The following AGAP1 variants were observed in gnomAD, a reference collection of about 807,000 sequenced individuals.
AGAP1 encodes the protein arf-GAP with GTPase, ANK repeat and PH domain-containing protein 1.
AGAP1 carries 29 observed loss-of-function variants against 105.3 expected under a neutral mutation model. The ratio of observed to expected loss-of-function variants is 0.28; its 90% CI spans 0.21 to 0.38. AGAP1 has a LOEUF of 0.38. Ranked by LOEUF, AGAP1 falls within the 10% of genes least tolerant of loss-of-function variation. AGAP1 has a pLI of 1.00. For synonymous variants in AGAP1, 509 were observed against 485.9 expected, an observed-to-expected ratio of 1.05 and a Z score of -0.63; for missense variants, 998 against 1,165.1, an observed-to-expected ratio of 0.86 and a Z score of 2.09.
At chr2:235,869,392 G>C (rs193117481) in intron 9 of AGAP1, among the ~76,000 whole-genome samples, 1 of 118,070 alleles carries the variant, frequency 8.5e-6, no homozygotes, top group Non-Finnish European at 1.6e-5. Flanking sequence ...AGACCATCCT[G>C]ACCAACATGG....
In AGAP1 at chr2:235,799,556, G is replaced by A. The variant is rs559839614; in HGVS notation, c.957+34G>A. ...CAACCCTGGGTGGAGATTTGAATGC[G>A]ATTCCGAAGCGTTCCCATTAACGTA... On this transcript the variant is annotated intron_variant, in intron 8 of 17. Transcript: ENST00000304032. This position sits in a 1 kb window ranked among gnomAD's most constrained non-coding sequence, Gnocchi z 5.0. The A allele has an allele frequency of 7.0e-5, 113 of 1,606,616 alleles. 1 individual carries two copies. In the Admixed American group the frequency reaches 1.5e-3, roughly 22 times the overall value.
At chr2:235,534,308 A>T (rs889039197) in intron 1 of AGAP1, among the ~76,000 whole-genome samples, 23 of 152,158 alleles carry the variant, frequency 1.5e-4, no homozygotes, top group African/African-American at 4.6e-4. Flanking sequence ...CGTCACCTTC[A>T]CACAGTCCAT....
At chr2:235,638,014 C>G (rs552964460) in intron 1 of AGAP1, among the ~76,000 whole-genome samples, 1 of 152,142 alleles carries the variant, frequency 6.6e-6, no homozygotes, top group African/African-American at 2.4e-5. Flanking sequence ...TTCTACTGAT[C>G]GAGCTGTTAT....
At chr2:235,579,273 T>C (rs1233166100) in intron 1 of AGAP1, among the ~76,000 whole-genome samples, 1 of 152,218 alleles carries the variant, frequency 6.6e-6, no homozygotes, top group Admixed American at 6.5e-5. Flanking sequence ...GCGACACTTT[T>C]GCTTTAATCC....
chr2:236,106,765 G>GC (rs2125923201), intron 16 of AGAP1, among the ~76,000 whole-genome samples: 1 of 152,256 alleles, frequency 6.6e-6, no homozygotes, highest in Non-Finnish European at 1.5e-5. Flanking sequence ...TGCAGGTCTC[G>GC]CAGGAGTAGG....
At chr2:236,032,029 G>T (rs2057240125) in intron 13 of AGAP1, among the ~76,000 whole-genome samples, 1 of 152,196 alleles carries the variant, frequency 6.6e-6, no homozygotes, top group Non-Finnish European at 1.5e-5. Flanking sequence ...CTCACCTGCT[G>T]TTGGGGTCCA....
Position 235,548,641 on chromosome 2 carries a change from G to A in AGAP1, c.163+53792G>A, listed in dbSNP as rs1471362300. 1.9e-3 allele frequency among the ~76,000 whole-genome samples: 222 copies of A among 116,846 alleles called. 2 individuals are homozygous for A. Among genetic ancestry groups the A allele is most frequent in the Admixed American group, 0.018 (169 of 9,650 alleles). 76.7% of individuals were successfully genotyped at this position (116,846 alleles called of 152,430 possible). A position where few individuals can be genotyped will look rare whatever the true frequency, so the allele number is the denominator to read the frequency against. ...GCACTCCAGCCTGGGCAAAAAGTGC[G>A]AAACTCCGTCTTCAAAAAAAAAAAA... On this transcript the variant is annotated intron_variant, in intron 1 of 17. Transcript: ENST00000304032.
intron 9 of AGAP1, among the ~76,000 whole-genome samples, chr2:235,823,583 A>T (rs143434763): frequency 6.6e-6 from 1 of 152,214 alleles, no homozygotes; most frequent in African/African-American, 2.4e-5. Flanking sequence ...GTCCTTCCAG[A>T]TGCTCTTCCA....
At position 236,035,638 on chromosome 2, in the gene AGAP1, G is replaced by A. The variant is rs1576127296; in HGVS notation, c.1646-923G>A. On this transcript the variant is annotated intron_variant, in intron 13 of 17. Coordinates refer to ENST00000304032, the MANE Select transcript of AGAP1 (RefSeq NM_001037131.3). The surrounding 1 kb of genome is among the most constrained non-coding windows in gnomAD (Gnocchi z 4.2). Reference sequence around the variant, plus strand: ...GACTCCATCTCAAAAACAGTTCTTCGTGGTTGTATGCAATTAGTTATGCTT... The same window carrying A: ...GACTCCATCTCAAAAACAGTTCTTCATGGTTGTATGCAATTAGTTATGCTT... Among the ~76,000 whole-genome samples, 1 of 152,154 alleles carries A rather than the reference G, an allele frequency of 6.6e-6. No homozygotes were observed. The highest frequency in any genetic ancestry group is 2.4e-5 in the African/African-American group (1 of 41,426).
Position 236,058,891 on chromosome 2 carries a change from A to G in AGAP1, c.2114+9610A>G, listed in dbSNP as rs1295230431. 6.6e-6 allele frequency among the ~76,000 whole-genome samples: 1 copy of G among 152,206 alleles called. No homozygotes were observed. Among genetic ancestry groups the G allele is most frequent in the East Asian group, 1.9e-4 (1 of 5,194 alleles). ...CAATGTGCAAAACTCTTAGCTGGCC[A>G]TGGTGGCACAGTTCTGTAGTCCCAG... is the stretch of plus-strand genomic sequence containing the variant. On this transcript the variant is annotated intron_variant, in intron 16 of 17. Coordinates refer to ENST00000304032, the MANE Select transcript of AGAP1 (RefSeq NM_001037131.3). This position sits in a 1 kb window ranked among gnomAD's most constrained non-coding sequence, Gnocchi z 4.6.
chr2:235,862,946 A>G (rs546271135), intron 9 of AGAP1, among the ~76,000 whole-genome samples: 1 of 152,308 alleles, frequency 6.6e-6, no homozygotes, highest in South Asian at 2.1e-4. Flanking sequence ...TGTGTAGGGC[A>G]GGGCATATGT....
rs961054965 is a variant in AGAP1, at chr2:235,623,955, C to A, written c.164-85224C>A. Among the ~76,000 whole-genome samples the A allele has an allele frequency of 2.0e-5, 3 of 152,150 alleles. No homozygotes were observed. The highest frequency in any genetic ancestry group is 7.2e-5 in the African/African-American group (3 of 41,432). On this transcript the variant is annotated intron_variant, in intron 1 of 17. Transcript: ENST00000304032. The surrounding 1 kb of genome is among the most constrained non-coding windows in gnomAD (Gnocchi z 4.5). ...GGATCCATTTGTGTTTCTGAGTGTG[C>A]TTGTAAGCAGTCTTAGGGGATCTGT...
At chr2:235,589,395 T>C (rs531457339) in intron 1 of AGAP1, among the ~76,000 whole-genome samples, 52 of 151,946 alleles carry the variant, frequency 3.4e-4, no homozygotes, top group South Asian at 6.3e-4. Context: ...TTAGTAGAGA[T>C]GGAGTGTCAC....
intron 9 of AGAP1, among the ~76,000 whole-genome samples, chr2:235,859,063 A>G (rs1481485607): frequency 2.0e-5 from 3 of 152,232 alleles, no homozygotes; most frequent in African/African-American, 7.2e-5. Flanking sequence ...AACCCTTTGT[A>G]CTGGTGCCGG....
At chr2:236,111,779 G>T (rs907592305) in intron 16 of AGAP1, among the ~76,000 whole-genome samples, 1 of 132,318 alleles carries the variant, frequency 7.6e-6, no homozygotes, top group African/African-American at 3.1e-5. Flanking sequence ...GCAACAGTGC[G>T]ACTCTATCTC....
At chr2:236,100,276 G>A (rs2059313835) in intron 16 of AGAP1, among the ~76,000 whole-genome samples, 1 of 152,144 alleles carries the variant, frequency 6.6e-6, no homozygotes, top group Non-Finnish European at 1.5e-5. Flanking sequence ...GTTAAACTCT[G>A]TGTCGATGGT....
Position 236,106,730 on chromosome 2 carries a change from G to T in AGAP1, c.2115-13462G>T, listed in dbSNP as rs188295847. ...CATTTTCCCACCTGCGTAAGTCACG[G>T]TGCTGGTGGTAGCAGGATGGGGTCT... is the stretch of plus-strand genomic sequence containing the variant. On this transcript the variant is annotated intron_variant, in intron 16 of 17. Coordinates refer to ENST00000304032, the MANE Select transcript of AGAP1 (RefSeq NM_001037131.3). Among the ~76,000 whole-genome samples, 3 of 152,316 alleles carry T rather than the reference G, an allele frequency of 2.0e-5. No homozygotes were observed. The East Asian group carries it at 5.8e-4, about 29-fold the overall frequency.
rs6723470 is a variant in AGAP1, at chr2:235,517,944, A to G, written c.163+23095A>G. On this transcript the variant is annotated intron_variant, in intron 1 of 17. Coordinates refer to ENST00000304032, the MANE Select transcript of AGAP1 (RefSeq NM_001037131.3). The surrounding 1 kb of genome is among the most constrained non-coding windows in gnomAD (Gnocchi z 4.1). Reference sequence around the variant, plus strand: ...TGAGACTCCGTTTCAAAAAAAAAAAAAAAGAAAAAAAAAAGGTAGAACTCA... The same window carrying G: ...TGAGACTCCGTTTCAAAAAAAAAAAGAAAGAAAAAAAAAAGGTAGAACTCA... Among the ~76,000 whole-genome samples, 6 of 141,714 alleles carry G rather than the reference A, an allele frequency of 4.2e-5. No homozygotes were observed. Among genetic ancestry groups the G allele is most frequent in the East Asian group, 2.1e-4 (1 of 4,864 alleles). 93.0% of individuals were successfully genotyped at this position (141,714 alleles called of 152,430 possible). A position where few individuals can be genotyped will look rare whatever the true frequency, so the allele number is the denominator to read the frequency against.
At position 235,625,916 on chromosome 2, in the gene AGAP1, A is replaced by T. The variant is rs573768534; in HGVS notation, c.164-83263A>T. Among the ~76,000 whole-genome samples, 1 of 152,332 alleles carries T rather than the reference A, an allele frequency of 6.6e-6. No individual in the cohort carries two copies. The highest frequency in any genetic ancestry group is 2.1e-4 in the South Asian group (1 of 4,830). ...TTCTCACATTTATTCTTGAAATTCC[A>T]CACAGAGAAAGGTGTTTCGGGGAAG... On this transcript the variant is annotated intron_variant, in intron 1 of 17. Coordinates refer to ENST00000304032, the MANE Select transcript of AGAP1 (RefSeq NM_001037131.3). This position sits in a 1 kb window ranked among gnomAD's most constrained non-coding sequence, Gnocchi z 4.0.
Sources: allele counts gnomAD v4.1 joint callset (sites outside exome capture counted in the v4.1 genomes callset), GRCh38; gene constraint gnomAD v4.1.1; non-coding constraint Gnocchi (gnomAD v3.1); transcripts MANE v1.5; gene names NCBI Gene and HGNC (gene_info 2026-07-23, HGNC 2026-07-21).